The following RFTN1 variants were observed in gnomAD, a reference collection of about 807,000 sequenced individuals.
RFTN1 encodes raftlin, lipid raft linker 1, also known as raftlin.
A neutral mutation model predicts 46.5 loss-of-function variants in RFTN1; 26 were observed. The ratio of observed to expected loss-of-function variants is 0.56; its 90% CI spans 0.41 to 0.78. The LOEUF is 0.78. Among genes scored for constraint, RFTN1 ranks in the 30% least tolerant of loss-of-function variants. The pLI, the probability that RFTN1 is intolerant of heterozygous loss-of-function variation, is 0.00. For missense variants in RFTN1, 693 were observed against 718.7 expected (o/e 0.96, Z 0.41); for synonymous variants, 261 against 284.2 (o/e 0.92, Z 0.82).
At chr3:16,373,196 TA>T (rs908293955) in intron 5 of RFTN1, among the ~76,000 whole-genome samples, 1 of 152,168 alleles carries the variant, frequency 6.6e-6, no homozygotes, top group Non-Finnish European at 1.5e-5. Flanking sequence ...CCCAAAGGGA[TA>T]GGGAAGGCAT....
chr3:16,354,517 G>A (rs1378345837), intron 7 of RFTN1, among the ~76,000 whole-genome samples: 1 of 152,196 alleles, frequency 6.6e-6, no homozygotes, highest in African/African-American at 2.4e-5. Context: ...TGTCCCCCAG[G>A]CATTGACACT....
intron 9 of RFTN1, among the ~76,000 whole-genome samples, chr3:16,319,654 G>A (rs1189883497): frequency 6.6e-6 from 1 of 152,176 alleles, no homozygotes; most frequent in Non-Finnish European, 1.5e-5. Flanking sequence ...TGGATGCCTG[G>A]CCACATCCAG....
chr3:16,359,951 T>G (rs1007948073), intron 6 of RFTN1, among the ~76,000 whole-genome samples: 3 of 152,096 alleles, frequency 2.0e-5, no homozygotes, highest in Non-Finnish European at 4.4e-5. Context: ...TAACAATCTT[T>G]AGCTTTGGCT....
chr3:16,389,104 C>G (rs1445311446), intron 4 of RFTN1, among the ~76,000 whole-genome samples: 1 of 152,206 alleles, frequency 6.6e-6, no homozygotes, highest in Admixed American at 6.5e-5. Context: ...TTTTCTTCCC[C>G]CCACCATCCT....
At chr3:16,417,773 C>T (rs918317516) in intron 3 of RFTN1, among the ~76,000 whole-genome samples, 29 of 152,180 alleles carry the variant, frequency 1.9e-4, no homozygotes, top group African/African-American at 6.8e-4. Flanking sequence ...ATTTTGTTCT[C>T]ATATAAAAGC....
intron 6 of RFTN1, 124 bp from the exon 7 acceptor site, chr3:16,358,171 TGTTA>T: frequency 1.6e-6 from 1 of 641,214 alleles, no homozygotes; most frequent in South Asian, 1.8e-5. Context: ...CTTTTCAGCA[TGTTA>T]ATTAAAGAAG....
chr3:16,486,599 C>G (rs1034474601), intron 2 of RFTN1, among the ~76,000 whole-genome samples: 5 of 152,210 alleles, frequency 3.3e-5, no homozygotes, highest in African/African-American at 1.2e-4. Flanking sequence ...TCCCTGGCAC[C>G]AAATTTGCAT....
Position 16,353,565 on chromosome 3 carries a change from C to T in RFTN1, c.1146+4367G>A, listed in dbSNP as rs116557745. ...TTCTTGGGCCCCATCTCAGAGCCAC[C>T]GTTAAAGACTAAATGTTTTCTATCC... On this transcript the variant is annotated intron_variant, in intron 7 of 9. Coordinates refer to ENST00000334133, the MANE Select transcript of RFTN1 (RefSeq NM_015150.2). The surrounding 1 kb of genome is among the most constrained non-coding windows in gnomAD (Gnocchi z 5.4). Among the ~76,000 whole-genome samples, 11 of 152,276 alleles carry T rather than the reference C, an allele frequency of 7.2e-5. No individual in the cohort carries two copies. In the East Asian group the frequency reaches 1.3e-3, roughly 19 times the overall value.
In RFTN1 at chr3:16,345,918, G is replaced by T. The variant is rs942041457; in HGVS notation, c.1146+12014C>A. On this transcript the variant is annotated intron_variant, in intron 7 of 9. Coordinates refer to ENST00000334133, the MANE Select transcript of RFTN1 (RefSeq NM_015150.2). The surrounding 1 kb of genome is among the most constrained non-coding windows in gnomAD (Gnocchi z 5.2). ...AACCCTAATACACTTCTTTCTTGTT[G>T]TTCTGTGGCATACACTGAATATTTT... 5 of 151,518 alleles carry T rather than the reference G, an allele frequency of 3.3e-5. No homozygotes were observed. The highest frequency in any genetic ancestry group is 2.1e-4 in the South Asian group (1 of 4,806). The allele number at this position is 151,518 out of a possible 1,614,324, so 9.4% of individuals were successfully genotyped here.
In RFTN1 at chr3:16,489,413, G is replaced by A. The variant is rs1023830951; in HGVS notation, c.145+4312C>T. Among the ~76,000 whole-genome samples the A allele has an allele frequency of 1.3e-5, 2 of 151,096 alleles. No homozygotes were observed. Among genetic ancestry groups the A allele is most frequent in the African/African-American group, 4.9e-5 (2 of 41,084 alleles). On this transcript the variant is annotated intron_variant, in intron 2 of 9. Transcript: ENST00000334133. This position sits in a 1 kb window ranked among gnomAD's most constrained non-coding sequence, Gnocchi z 4.0. ...AGCCTGGGCAACAGAGTGAGACTTC[G>A]CTTCAAAAAAAAATCAGTGATGGAG...
At chr3:16,331,638 T>C (rs1278267043) in intron 7 of RFTN1, among the ~76,000 whole-genome samples, 2 of 152,246 alleles carry the variant, frequency 1.3e-5, no homozygotes, top group African/African-American at 4.8e-5. Context: ...TCCAAGATCC[T>C]AAATACATTA....
rs2071072684 is a variant in RFTN1 at position 16,338,484 on chromosome 3, T to C, written c.1147-11608A>G. Among the ~76,000 whole-genome samples the C allele has an allele frequency of 6.6e-6, 1 of 152,254 alleles. No individual in the cohort carries two copies. On this transcript the variant is annotated intron_variant, in intron 7 of 9. Transcript: ENST00000334133. This position sits in a 1 kb window ranked among gnomAD's most constrained non-coding sequence, Gnocchi z 5.3. ...ATGCAATAGCACAGGGCTCCTGTCC[T>C]CTAGAAGCTGACATCTTAAACACAC...
chr3:16,409,283 T>C, intron 4 of RFTN1, 92 bp downstream of exon 4: 1 of 840,652 alleles, frequency 1.2e-6, no homozygotes, highest in East Asian at 2.6e-5. Context: ...GCCTCTTGAG[T>C]GTGGCTGATC....
intron 4 of RFTN1, among the ~76,000 whole-genome samples, chr3:16,401,681 G>A (rs1192818618): frequency 6.6e-6 from 1 of 152,180 alleles, no homozygotes; most frequent in Non-Finnish European, 1.5e-5. Context: ...GCAAAAAACT[G>A]GTCCTTCACC....
Position 16,383,885 on chromosome 3 carries a change from T to C in RFTN1, c.442-5783A>G, listed in dbSNP as rs1283918116. On this transcript the variant is annotated intron_variant, in intron 4 of 9. Transcript: ENST00000334133. This position sits in a 1 kb window ranked among gnomAD's most constrained non-coding sequence, Gnocchi z 4.0. ...CACTTCCAAGACTGTTTTGTCTGAC[T>C]CTAAGGAGGATGGTGTCACAGTTAA... 3.3e-5 allele frequency among the ~76,000 whole-genome samples: 5 copies of C among 152,250 alleles called. No homozygotes were observed. The highest frequency in any genetic ancestry group is 1.2e-4 in the African/African-American group (5 of 41,468).
chr3:16,477,331 G>A (rs563699384), intron 2 of RFTN1, among the ~76,000 whole-genome samples: 1 of 152,172 alleles, frequency 6.6e-6, no homozygotes, highest in African/African-American at 2.4e-5. Flanking sequence ...AGGAAAGTGT[G>A]TCAATTGAAT....
At chr3:16,441,613 A>C (rs1382794466) in intron 2 of RFTN1, among the ~76,000 whole-genome samples, 1 of 152,228 alleles carries the variant, frequency 6.6e-6, no homozygotes, top group Non-Finnish European at 1.5e-5. Flanking sequence ...GTAAAGCAGG[A>C]AACAGCAGGC....
intron 2 of RFTN1, among the ~76,000 whole-genome samples, chr3:16,456,806 CA>C (rs2075914509): frequency 6.6e-6 from 1 of 152,178 alleles, no homozygotes; most frequent in Non-Finnish European, 1.5e-5. Context: ...AAAAGGCGAA[CA>C]AAGGTCTTAG....
At chr3:16,405,457 C>A (rs143253910) in intron 4 of RFTN1, among the ~76,000 whole-genome samples, 14 of 152,212 alleles carry the variant, frequency 9.2e-5, no homozygotes, top group African/African-American at 3.4e-4. Context: ...TTCATTTGAC[C>A]AGCTAGAGCA....
Sources: gnomAD v4.1 joint callset for allele counts (sites outside exome capture counted in the v4.1 genomes callset) on GRCh38, gnomAD v4.1.1 for gene constraint, Gnocchi (gnomAD v3.1) non-coding constraint, MANE v1.5 for transcripts, NCBI Gene and HGNC (gene_info 2026-07-23, HGNC 2026-07-21) for gene names.